LSAMP: variants seen among roughly 807,000 people sequenced by gnomAD.
LSAMP encodes the protein limbic system associated membrane protein.
A neutral mutation model predicts 38.6 loss-of-function variants in LSAMP; 7 were observed. The ratio of observed to expected loss-of-function variants is 0.18; its 90% CI spans 0.10 to 0.34. The LOEUF (loss-of-function observed/expected upper bound fraction) is 0.34, where lower values mean the gene tolerates loss of function less well. LSAMP is among the 10% of genes least tolerant of loss of function. The probability of loss-of-function intolerance (pLI) is 1.00; values close to 1 mark genes in which losing one functional copy is unlikely to be tolerated. For missense variants in LSAMP, 313 were observed against 420.0 expected, an observed-to-expected ratio of 0.75 and a Z score of 2.23; for synonymous variants, 154 against 166.8, an observed-to-expected ratio of 0.92 and a Z score of 0.59.
chr3:116,134,565 C>A (rs1294027435), intron 1 of LSAMP, among the ~76,000 whole-genome samples: 1 of 152,212 alleles, frequency 6.6e-6, no homozygotes, highest in Non-Finnish European at 1.5e-5. Context: ...CCTCATCAGG[C>A]TTGTTGCCGT....
chr3:116,354,601 T>A (rs2048194162), intron 1 of LSAMP, among the ~76,000 whole-genome samples: 1 of 152,190 alleles, frequency 6.6e-6, no homozygotes, highest in Non-Finnish European at 1.5e-5. Flanking sequence ...ATCCTTCAAG[T>A]TTAAAGCTGA....
intron 1 of LSAMP, among the ~76,000 whole-genome samples, chr3:116,402,230 GA>G (rs2107827661): frequency 6.6e-6 from 1 of 152,320 alleles, no homozygotes; most frequent in East Asian, 1.9e-4. Context: ...TATATCTGAA[GA>G]GTGAATAGAC....
chr3:116,323,822 A>G (rs2047737539), intron 1 of LSAMP, among the ~76,000 whole-genome samples: 1 of 152,150 alleles, frequency 6.6e-6, no homozygotes, highest in Admixed American at 6.6e-5. Context: ...TGCCTTGTTT[A>G]TAGCATTCTT....
chr3:116,253,966 A>G (rs1260718438), intron 1 of LSAMP, among the ~76,000 whole-genome samples: 2 of 152,032 alleles, frequency 1.3e-5, no homozygotes, highest in East Asian at 3.9e-4. Context: ...GCTTCTTCAC[A>G]TTATTTCCTT....
At chr3:116,339,920 A>G (rs2047970528) in intron 1 of LSAMP, among the ~76,000 whole-genome samples, 1 of 152,080 alleles carries the variant, frequency 6.6e-6, no homozygotes, top group African/African-American at 2.4e-5. Context: ...GAACTTCCAG[A>G]TATCATGAAG....
In LSAMP at chr3:116,188,647, T is replaced by C. The variant is rs2107578686; in HGVS notation, c.156-102091A>G. ...TTTATTGTAACCTAATGATATATTA[T>C]GAATCACTCCTGGGAAACGGGATAA... On this transcript the variant is annotated intron_variant, in intron 1 of 6. Transcript: ENST00000490035. 1.3e-5 allele frequency among the ~76,000 whole-genome samples: 2 copies of C among 152,340 alleles called. 1 individual carries two copies. Among genetic ancestry groups the C allele is most frequent in the Middle Eastern group, 6.8e-3 (2 of 294 alleles).
rs190366886 is a variant in LSAMP at position 116,328,471 on chromosome 3, G to C, written c.155+116406C>G. Reference sequence around the variant, plus strand: ...CAACATACAAAAGAAACTCAAATTAGAGATTAACATTACAGGTAATATATT... The same window carrying C: ...CAACATACAAAAGAAACTCAAATTACAGATTAACATTACAGGTAATATATT... On this transcript the variant is annotated intron_variant, in intron 1 of 6. Coordinates refer to ENST00000490035, the MANE Select transcript of LSAMP (RefSeq NM_002338.5). Among the ~76,000 whole-genome samples the C allele has an allele frequency of 5.8e-4, 88 of 152,222 alleles. 1 individual carries two copies. The highest frequency in any genetic ancestry group is 6.8e-3 in the Middle Eastern group (2 of 294).
intron 1 of LSAMP, among the ~76,000 whole-genome samples, chr3:116,154,862 TA>T (rs1709704959): frequency 6.6e-6 from 1 of 152,174 alleles, no homozygotes; most frequent in South Asian, 2.1e-4. Flanking sequence ...AACTTAAAAG[TA>T]AATTATGCTT....
At chr3:116,407,888 TACAA>T (rs1316610024) in intron 1 of LSAMP, among the ~76,000 whole-genome samples, 6 of 152,150 alleles carry the variant, frequency 3.9e-5, no homozygotes, top group Admixed American at 2.6e-4. Context: ...CATAAGCTCC[TACAA>T]ACAGAGTCAG....
At chr3:116,134,321 A>C (rs1709199288) in intron 1 of LSAMP, among the ~76,000 whole-genome samples, 1 of 152,134 alleles carries the variant, frequency 6.6e-6, no homozygotes, top group South Asian at 2.1e-4. Flanking sequence ...CTTTATTATA[A>C]ATCACCACCA....
chr3:116,210,977 A>C (rs2046149045), intron 1 of LSAMP, among the ~76,000 whole-genome samples: 1 of 152,150 alleles, frequency 6.6e-6, no homozygotes, highest in Non-Finnish European at 1.5e-5. Context: ...TGGTACATAC[A>C]CACAATGGAA....
intron 1 of LSAMP, among the ~76,000 whole-genome samples, chr3:116,381,568 A>C (rs2048558960): frequency 6.6e-6 from 1 of 152,118 alleles, no homozygotes; most frequent in South Asian, 2.1e-4. Context: ...ACAAACCTTC[A>C]ATTTTAGAAT....
chr3:116,156,464 T>C (rs1709749859), intron 1 of LSAMP, among the ~76,000 whole-genome samples: 1 of 152,082 alleles, frequency 6.6e-6, no homozygotes, highest in Non-Finnish European at 1.5e-5. Context: ...CAGCATGACA[T>C]GGTGAACAGC....
intron 1 of LSAMP, among the ~76,000 whole-genome samples, chr3:116,410,404 A>T (rs866273690): frequency 6.6e-6 from 1 of 152,062 alleles, no homozygotes; most frequent in South Asian, 2.1e-4. Context: ...AAGGATTAAC[A>T]TTAGAGGAAG....
rs911079701 is a variant in LSAMP at position 116,406,073 on chromosome 3, T to C, written c.155+38804A>G. ...GCAGTTACATTTCTATCTTTTTTAA[T>C]ATTCTCTTTTAGCTCTGGTAAAAAT... On this transcript the variant is annotated intron_variant, in intron 1 of 6. Coordinates refer to ENST00000490035, the MANE Select transcript of LSAMP (RefSeq NM_002338.5). 1.3e-5 allele frequency among the ~76,000 whole-genome samples: 2 copies of C among 152,282 alleles called. 1 individual carries two copies. Among genetic ancestry groups the C allele is most frequent in the Admixed American group, 1.3e-4 (2 of 15,272 alleles).
chr3:116,220,066 C>T (rs751191833), intron 1 of LSAMP, among the ~76,000 whole-genome samples: 1 of 151,986 alleles, frequency 6.6e-6, no homozygotes, highest in Non-Finnish European at 1.5e-5. Flanking sequence ...CCCAGCTATT[C>T]GGAGCTACTT....
intron 1 of LSAMP, among the ~76,000 whole-genome samples, chr3:116,175,751 G>A (rs1427405897): frequency 1.3e-5 from 2 of 151,816 alleles, no homozygotes. Flanking sequence ...AGTGTCATAT[G>A]GGTATAAGTA....
chr3:116,198,800 G>A (rs539198408), intron 1 of LSAMP, among the ~76,000 whole-genome samples: 2 of 127,558 alleles, frequency 1.6e-5, no homozygotes, highest in South Asian at 5.4e-4. Flanking sequence ...GAACTGGACT[G>A]GGCGCAGCGG....
chr3:116,171,054 T>C (rs1489499746), intron 1 of LSAMP, among the ~76,000 whole-genome samples: 5 of 152,194 alleles, frequency 3.3e-5, no homozygotes, highest in Non-Finnish European at 1.5e-5. Context: ...TGAGTTTGAA[T>C]TCCAGCATTG....
Sources: gnomAD v4.1 joint callset for allele counts (sites outside exome capture counted in the v4.1 genomes callset) on GRCh38, gnomAD v4.1.1 for gene constraint, MANE v1.5 for transcripts, NCBI Gene and HGNC (gene_info 2026-07-23, HGNC 2026-07-21) for gene names.